MACROD2: variants seen among roughly 807,000 people sequenced by gnomAD.
MACROD2 encodes mono-ADP ribosylhydrolase 2, also known as ADP-ribose glycohydrolase MACROD2.
Under a neutral mutation model 70.4 loss-of-function variants are expected in MACROD2, and 36 were observed. The ratio of observed to expected loss-of-function variants is 0.51; its 90% CI spans 0.39 to 0.68. The LOEUF (loss-of-function observed/expected upper bound fraction) is 0.68. MACROD2 is among the 30% of genes least tolerant of loss of function. MACROD2 has a pLI of 0.00. For missense variants in MACROD2, 496 were observed against 538.4 expected (o/e 0.92, Z 0.78); for synonymous variants, 172 against 178.8 (o/e 0.96, Z 0.30).
At chr20:15,546,502 T>C (rs563019221) in intron 8 of MACROD2, among the ~76,000 whole-genome samples, 24 of 152,240 alleles carry the variant, frequency 1.6e-4, no homozygotes, top group Non-Finnish European at 3.1e-4. Context: ...AGTTAAAACT[T>C]GGAATGGGTT....
chr20:15,439,445 C>A (rs542973398), intron 7 of MACROD2, among the ~76,000 whole-genome samples: 1 of 152,180 alleles, frequency 6.6e-6, no homozygotes, highest in African/African-American at 2.4e-5. Context: ...CCTGGAAACT[C>A]GGACCTCAGC....
At chr20:14,983,061 G>A (rs931807860) in intron 5 of MACROD2, among the ~76,000 whole-genome samples, 10 of 152,180 alleles carry the variant, frequency 6.6e-5, no homozygotes, top group African/African-American at 2.4e-4. Context: ...GTGTTACCTG[G>A]ATGTGACATA....
intron 8 of MACROD2, among the ~76,000 whole-genome samples, chr20:15,643,473 T>C (rs533526321): frequency 1.3e-5 from 2 of 152,356 alleles, no homozygotes; most frequent in Admixed American, 1.3e-4. Flanking sequence ...TTAATTTTCT[T>C]CTATCAGATT....
intron 3 of MACROD2, among the ~76,000 whole-genome samples, chr20:14,215,086 ATC>A (rs1364538564): frequency 4.8e-5 from 7 of 146,692 alleles, no homozygotes; most frequent in African/African-American, 1.3e-4. Context: ...CATCATATAT[ATC>A]TATTCCATCA....
intron 15 of MACROD2, among the ~76,000 whole-genome samples, chr20:16,034,433 T>C (rs2067195735): frequency 6.6e-6 from 1 of 152,024 alleles, no homozygotes; most frequent in Non-Finnish European, 1.5e-5. Flanking sequence ...TGAAATCTAA[T>C]TGAGCTCATC....
intron 6 of MACROD2, among the ~76,000 whole-genome samples, chr20:15,318,175 C>T (rs987876888): frequency 8.6e-5 from 13 of 151,968 alleles, no homozygotes; most frequent in African/African-American, 2.2e-4. Flanking sequence ...CCTTCTACCA[C>T]GAAAAGATCA....
At chr20:15,175,718 T>C (rs2076455889) in intron 5 of MACROD2, among the ~76,000 whole-genome samples, 1 of 152,222 alleles carries the variant, frequency 6.6e-6, no homozygotes, top group Non-Finnish European at 1.5e-5. Flanking sequence ...TTTTCATGTT[T>C]AGTTTTTTAT....
chr20:15,823,697 C>T (rs1411914894), intron 8 of MACROD2, among the ~76,000 whole-genome samples: 3 of 152,194 alleles, frequency 2.0e-5, no homozygotes, highest in East Asian at 3.8e-4. Flanking sequence ...AGCTTCCATA[C>T]TGGAGGTGGT....
chr20:15,526,056 A>C (rs1174550056), intron 8 of MACROD2, among the ~76,000 whole-genome samples: 1 of 152,230 alleles, frequency 6.6e-6, no homozygotes, highest in Non-Finnish European at 1.5e-5. Context: ...CAAAAAGAGA[A>C]AATAGATTTT....
intron 15 of MACROD2, among the ~76,000 whole-genome samples, chr20:16,013,990 A>C (rs1038844245): frequency 1.3e-5 from 2 of 152,208 alleles, no homozygotes; most frequent in South Asian, 4.1e-4. Flanking sequence ...CCACATTTTT[A>C]ACTGCGACAT....
chr20:14,846,760 G>A (rs1407156379), intron 5 of MACROD2, among the ~76,000 whole-genome samples: 6 of 150,886 alleles, frequency 4.0e-5, no homozygotes, highest in South Asian at 2.1e-4. Flanking sequence ...CTTGTGATCC[G>A]CCTGTCTCGG....
At chr20:15,007,194 C>G (rs2075045083) in intron 5 of MACROD2, among the ~76,000 whole-genome samples, 1 of 151,902 alleles carries the variant, frequency 6.6e-6, no homozygotes, top group Non-Finnish European at 1.5e-5. Flanking sequence ...GAAACCTCGT[C>G]TCTACTAAAA....
intron 3 of MACROD2, among the ~76,000 whole-genome samples, chr20:14,141,288 C>A (rs1001855799): frequency 1.3e-4 from 20 of 152,168 alleles, no homozygotes; most frequent in African/African-American, 4.8e-4. Context: ...ATGGGTAAAA[C>A]CAGTTTTCTC....
intron 7 of MACROD2, among the ~76,000 whole-genome samples, chr20:15,479,207 G>A (rs1459785405): frequency 6.6e-6 from 1 of 151,134 alleles, no homozygotes; most frequent in Non-Finnish European, 1.5e-5. Flanking sequence ...CCCTTTGCTA[G>A]GTATCTAATC....
intron 6 of MACROD2, among the ~76,000 whole-genome samples, chr20:15,261,517 G>GA (rs1316472071): frequency 2.6e-5 from 4 of 151,680 alleles, no homozygotes; most frequent in African/African-American, 9.7e-5. Context: ...TTTATAATTT[G>GA]AAAAAAATCC....
intron 8 of MACROD2, among the ~76,000 whole-genome samples, chr20:15,541,814 C>T (rs2146568559): frequency 6.6e-6 from 1 of 152,256 alleles, no homozygotes; most frequent in South Asian, 2.1e-4. Context: ...GGGACACAAC[C>T]TTTGAAAAGA....
At chr20:15,535,966 T>C (rs968735844) in intron 8 of MACROD2, among the ~76,000 whole-genome samples, 5 of 152,198 alleles carry the variant, frequency 3.3e-5, no homozygotes, top group Admixed American at 6.5e-5. Flanking sequence ...GTGGCTGGAC[T>C]GAAATTGAAG....
At chr20:15,338,900 A>G (rs966959645) in intron 6 of MACROD2, among the ~76,000 whole-genome samples, 7 of 151,708 alleles carry the variant, frequency 4.6e-5, no homozygotes, top group Admixed American at 2.0e-4. Flanking sequence ...TATAAGCATG[A>G]TGTTCACAAT....
At chr20:14,465,957 G>A (rs1210620074) in intron 3 of MACROD2, among the ~76,000 whole-genome samples, 2 of 152,078 alleles carry the variant, frequency 1.3e-5, no homozygotes, top group African/African-American at 4.8e-5. Flanking sequence ...CTCTCTGGCT[G>A]CCCTTAACAT....
Sources: allele counts gnomAD v4.1 joint callset (sites outside exome capture counted in the v4.1 genomes callset), GRCh38; gene constraint gnomAD v4.1.1; transcripts MANE v1.5; gene names NCBI Gene and HGNC (gene_info 2026-07-23, HGNC 2026-07-21).